The following CFAP100 variants were observed in gnomAD, a reference collection of about 807,000 sequenced individuals.
CFAP100 encodes cilia and flagella associated protein 100.
CFAP100 carries 70 observed loss-of-function variants against 81.5 expected under a neutral mutation model. The ratio of observed to expected loss-of-function variants is 0.86; its 90% CI spans 0.71 to 1.05. CFAP100 has a LOEUF of 1.05. Ranked by LOEUF, CFAP100 falls within the 50% of genes least tolerant of loss-of-function variation. The pLI is 0.00. For synonymous variants in CFAP100, 341 were observed against 314.8 expected (o/e 1.08, Z -0.88); for missense variants, 811 against 776.5 (o/e 1.04, Z -0.53).
Position 126,418,778 on chromosome 3 carries a change from A to G in CFAP100, c.650+4A>G. Reference sequence around the variant, plus strand: ...GCTCCGTGCAGGCCATGAGAGCGTGAGCCTGCGGGCCCGAGGGGCTGGCTG... The same window carrying G: ...GCTCCGTGCAGGCCATGAGAGCGTGGGCCTGCGGGCCCGAGGGGCTGGCTG... On this transcript the variant is annotated splice_donor_region_variant and intron_variant, in intron 7 of 16. Coordinates refer to ENST00000352312, the MANE Select transcript of CFAP100 (RefSeq NM_182628.3). 1.3e-6 allele frequency: 2 copies of G among 1,582,346 alleles called. No homozygotes were observed. The highest frequency in any genetic ancestry group is 2.3e-5 in the South Asian group (2 of 85,826).
intron 3 of CFAP100, among the ~76,000 whole-genome samples, chr3:126,410,444 T>C (rs1254106754): frequency 2.6e-5 from 4 of 152,210 alleles, no homozygotes; most frequent in Non-Finnish European, 4.4e-5. Flanking sequence ...TATACAATCA[T>C]GTCACCTTGA....
rs201824588 is a variant in CFAP100 at position 126,431,886 on chromosome 3, ACT to A, written c.1287-1180_1287-1179del. ...CAATAGGCATGGGTCAAGGCCTAAG[ACT>A]CTGCATTTCTGACACACTTGCAGGT... On this transcript the variant is annotated intron_variant, in intron 13 of 16. Coordinates refer to ENST00000352312, the MANE Select transcript of CFAP100 (RefSeq NM_182628.3). 4.7e-3 allele frequency among the ~76,000 whole-genome samples: 710 copies of A among 152,118 alleles called. 5 individuals carry two copies. The highest frequency in any genetic ancestry group is 0.016 in the African/African-American group (680 of 41,500).
At chr3:126,434,081 C>T in intron 14 of CFAP100, 95 bp from the exon 15 acceptor site, 2 of 1,092,024 alleles carry the variant, frequency 1.8e-6, no homozygotes, top group South Asian at 1.5e-5. Flanking sequence ...GCGGTGGCCC[C>T]CACCCTGGGA....
rs1376963280 is a variant in CFAP100 at position 126,419,638 on chromosome 3, G to C, written c.733G>C (p.Glu245Gln). The C allele has an allele frequency of 6.2e-7, 1 of 1,613,484 alleles. No individual in the cohort carries two copies. The highest frequency in any genetic ancestry group is 2.2e-5 in the East Asian group (1 of 44,864). Reference sequence around the variant, plus strand: ...CATCCTCACCCCGCCCCGGTGTAGTGAGATCTCCAGATTTGAAGACACTCT... The same window carrying C: ...CATCCTCACCCCGCCCCGGTGTAGTCAGATCTCCAGATTTGAAGACACTCT... ...LTTQIVNIKSEISRFEDTLKH... is the reference protein window; with the variant it reads ...LTTQIVNIKSQISRFEDTLKH... The change falls in exon 9 of 17, where the codon GAG (glutamate) becomes CAG (glutamine). Residue 245 changes from glutamate (E) to glutamine (Q), a missense_variant and splice_region_variant. Coordinates refer to ENST00000352312, the MANE Select transcript of CFAP100 (RefSeq NM_182628.3).
rs1576632016 is a variant in CFAP100, at chr3:126,416,779, A to C, written c.418+271A>C. On this transcript the variant is annotated intron_variant, in intron 5 of 16. Transcript: ENST00000352312. ...CTCTTTCCTTGGCTTCAGTTGCCGGAGCTGAAAGTAGGTGAGTACAATACA... is the reference window on the plus strand; with the variant it reads ...CTCTTTCCTTGGCTTCAGTTGCCGGCGCTGAAAGTAGGTGAGTACAATACA... 7 of 371,868 alleles carry C rather than the reference A, an allele frequency of 1.9e-5. No individual in the cohort carries two copies. The East Asian group carries it at 3.1e-4, about 16-fold the overall frequency. 23.0% of individuals were successfully genotyped at this position (371,868 alleles called of 1,614,324 possible).
At chr3:126,418,940 T>G (rs1290372141) in intron 7 of CFAP100, 136 bp from the exon 8 acceptor site, 2 of 1,024,734 alleles carry the variant, frequency 2.0e-6, no homozygotes, top group Non-Finnish European at 2.8e-6. Context: ...GGCAAAAGGC[T>G]TAACTGTGTG....
chr3:126,416,692 G>A (rs2083249854), intron 5 of CFAP100, 184 bp downstream of exon 5: 3 of 532,920 alleles, frequency 5.6e-6, no homozygotes, highest in Non-Finnish European at 9.8e-6. Context: ...CTCTATTCCA[G>A]GATTGCAAAC....
intron 13 of CFAP100, among the ~76,000 whole-genome samples, chr3:126,427,617 T>G (rs1933013933): frequency 6.6e-6 from 1 of 152,214 alleles, no homozygotes; most frequent in African/African-American, 2.4e-5. Context: ...TATGTTTAGT[T>G]TTGTAAGAAA....
Position 126,420,247 on chromosome 3 carries a change from G to A in CFAP100, c.1082+18G>A, listed in dbSNP as rs775441794. On this transcript the variant is annotated intron_variant, in intron 11 of 16. Coordinates refer to ENST00000352312, the MANE Select transcript of CFAP100 (RefSeq NM_182628.3). ...TCCAGAGGGTGAGTGGGCTCGGGTG[G>A]TTGGGAGGGGCTGAGGCCTAGCGGC... 3.1e-6 allele frequency: 5 copies of A among 1,610,952 alleles called. No homozygotes were observed. In the East Asian group the frequency reaches 8.9e-5, roughly 29 times the overall value.
chr3:126,419,058 C>T lies in CFAP100; in HGVS notation c.651-18C>T. Reference sequence around the variant, plus strand: ...GCCCCTTGCCCCCATCCCTCCTCCCCCGCCGCCCAACCCCTAGGGCTGAGA... The same window carrying T: ...GCCCCTTGCCCCCATCCCTCCTCCCTCGCCGCCCAACCCCTAGGGCTGAGA... On this transcript the variant is annotated intron_variant, in intron 7 of 16. Transcript: ENST00000352312. 6.8e-7 allele frequency: 1 copy of T among 1,461,256 alleles called. No individual in the cohort carries two copies. Among genetic ancestry groups the T allele is most frequent in the Non-Finnish European group, 9.2e-7 (1 of 1,081,950 alleles). The allele number at this position is 1,461,256 out of a possible 1,614,324, so 90.5% of individuals were successfully genotyped here.
Position 126,436,381 on chromosome 3 carries a change from G to T in CFAP100, c.1813G>T (p.Glu605Ter). Residue 605 changes from glutamate (E) to a stop codon, truncating the protein, a stop_gained, in exon 17 of 17, where the codon GAG becomes TAG. Coordinates refer to ENST00000352312, the MANE Select transcript of CFAP100 (RefSeq NM_182628.3). LOFTEE classifies it high-confidence loss of function. ...EHTLMDKEEE[E>*]LLFFFT ...CACACTGATGGACAAGGAGGAGGAGGAGCTGCTATTTTTCTTTACTTAATC... is the reference window on the plus strand; with the variant it reads ...CACACTGATGGACAAGGAGGAGGAGTAGCTGCTATTTTTCTTTACTTAATC... 6.2e-7 allele frequency: 1 copy of T among 1,613,886 alleles called. No homozygotes were observed. The highest frequency in any genetic ancestry group is 8.5e-7 in the Non-Finnish European group (1 of 1,179,758).
chr3:126,423,404 TC>T, intron 12 of CFAP100, 28 bp downstream of exon 12: 6 of 1,611,006 alleles, frequency 3.7e-6, no homozygotes, highest in African/African-American at 1.3e-5. Flanking sequence ...GGGCTGGAAT[TC>T]GGAAGTCGCC....
chr3:126,433,685 C>T, intron 14 of CFAP100: 1 of 197,180 alleles, frequency 5.1e-6, no homozygotes, highest in South Asian at 1.0e-4. Context: ...AGGCACAGGG[C>T]CAAGGGTGTG....
chr3:126,420,471 G>A (rs974218923), intron 11 of CFAP100, among the ~76,000 whole-genome samples: 4 of 152,250 alleles, frequency 2.6e-5, no homozygotes, highest in Non-Finnish European at 5.9e-5. Flanking sequence ...GTGAGCAGGT[G>A]TAAGGCTGAT....
chr3:126,417,030 G>A (rs1309382583), intron 5 of CFAP100, among the ~76,000 whole-genome samples: 1 of 152,218 alleles, frequency 6.6e-6, no homozygotes, highest in Admixed American at 6.5e-5. Context: ...GATAAGGGAG[G>A]CTGCTGTATT....
At chr3:126,401,353 C>T (rs1027443288) in intron 2 of CFAP100, among the ~76,000 whole-genome samples, 2 of 130,148 alleles carry the variant, frequency 1.5e-5, no homozygotes, top group Non-Finnish European at 3.2e-5. Context: ...TTATATTTTA[C>T]CATACTAAAA....
rs537027309 is a variant in CFAP100, at chr3:126,415,369, G to A, written c.226-947G>A. Reference sequence around the variant, plus strand: ...CTCCCACTCACAACCTCCCCTACCCGGCAGGCTCTCCCACTTATACCCTCC... The same window carrying A: ...CTCCCACTCACAACCTCCCCTACCCAGCAGGCTCTCCCACTTATACCCTCC... On this transcript the variant is annotated intron_variant, in intron 4 of 16. Coordinates refer to ENST00000352312, the MANE Select transcript of CFAP100 (RefSeq NM_182628.3). Among the ~76,000 whole-genome samples the A allele has an allele frequency of 2.8e-4, 14 of 50,242 alleles. No individual in the cohort carries two copies. In the South Asian group the frequency reaches 6.4e-3, roughly 23 times the overall value. 33.0% of individuals were successfully genotyped at this position (50,242 alleles called of 152,430 possible).
At chr3:126,406,506 T>C (rs1020545056) in intron 2 of CFAP100, among the ~76,000 whole-genome samples, 3 of 151,992 alleles carry the variant, frequency 2.0e-5, no homozygotes, top group Non-Finnish European at 2.9e-5. Flanking sequence ...GTGGAGGAAG[T>C]GTCCGGCCAC....
intron 14 of CFAP100, 26 bp from the exon 15 acceptor site, chr3:126,434,150 C>T (rs757177460): frequency 1.1e-5 from 18 of 1,585,284 alleles, no homozygotes; most frequent in South Asian, 3.4e-5. Context: ...CTGCCAGCAC[C>T]CTGCTGGAAG....
Sources: allele counts gnomAD v4.1 joint callset (sites outside exome capture counted in the v4.1 genomes callset), GRCh38; gene constraint gnomAD v4.1.1; transcripts MANE v1.5; gene names NCBI Gene and HGNC (gene_info 2026-07-23, HGNC 2026-07-21).